NELL1: variants seen among roughly 807,000 people sequenced by gnomAD.
NELL1 encodes neural EGFL like 1, also known as protein kinase C-binding protein NELL1.
In NELL1, 76 loss-of-function variants were observed where a neutral mutation model predicts 107.4. The observed-to-expected ratio is 0.71, with a 90% CI of 0.59 to 0.86. The LOEUF is 0.86. Ranked by LOEUF, NELL1 falls within the 40% of genes least tolerant of loss-of-function variation. The pLI is 0.00. For missense variants in NELL1, 1,024 were observed against 1,005.5 expected, an observed-to-expected ratio of 1.02 and a Z score of -0.25; for synonymous variants, 353 against 341.2, an observed-to-expected ratio of 1.03 and a Z score of -0.38.
At chr11:21,157,321 C>T (rs1197991251) in intron 13 of NELL1, among the ~76,000 whole-genome samples, 1 of 152,018 alleles carries the variant, frequency 6.6e-6, no homozygotes, top group Non-Finnish European at 1.5e-5. Context: ...TCATTTTCTT[C>T]CTCACATAAA....
intron 15 of NELL1, among the ~76,000 whole-genome samples, chr11:21,408,825 A>G (rs936694647): frequency 2.0e-5 from 3 of 152,110 alleles, no homozygotes; most frequent in Non-Finnish European, 4.4e-5. Flanking sequence ...AAAACACATG[A>G]AAAAATGCTC....
chr11:21,286,615 T>TG (rs1849122637), intron 14 of NELL1, among the ~76,000 whole-genome samples: 2 of 152,240 alleles, frequency 1.3e-5, no homozygotes, highest in African/African-American at 4.8e-5. Flanking sequence ...TTGGCTTCTA[T>TG]TTAGCAATGG....
intron 2 of NELL1, among the ~76,000 whole-genome samples, chr11:20,714,152 A>C (rs1350902692): frequency 6.8e-6 from 1 of 147,862 alleles, no homozygotes; most frequent in African/African-American, 2.5e-5. Flanking sequence ...TGTCATTCGA[A>C]GTGGGAGCTA....
intron 14 of NELL1, among the ~76,000 whole-genome samples, chr11:21,303,070 CTCTATATCTATA>C (rs3993104): frequency 0.29 from 42,748 of 147,430 alleles, 6,572 homozygotes; most frequent in Admixed American, 0.37. Context: ...CTCTCTTTTG[CTCTATATCTATA>C]TCTATATCTA....
chr11:21,398,118 A>G (rs1354569752), intron 15 of NELL1, among the ~76,000 whole-genome samples: 4 of 151,668 alleles, frequency 2.6e-5, no homozygotes, highest in Admixed American at 2.0e-4. Context: ...TAACTTTGTT[A>G]ATGAATCATA....
In NELL1 at chr11:21,189,305, A is replaced by G. The variant is rs1226160871; in HGVS notation, c.1427-40027A>G. Among the ~76,000 whole-genome samples, 7 of 151,870 alleles carry G rather than the reference A, an allele frequency of 4.6e-5. No homozygotes were observed. The South Asian group carries it at 1.4e-3, about 31-fold the overall frequency. On this transcript the variant is annotated intron_variant, in intron 13 of 19. Coordinates refer to ENST00000357134, the MANE Select transcript of NELL1 (RefSeq NM_006157.5). ...ATGTGCATCTTTAATTTGCCTTGATATTGTCAAATTGCTTCTAAAGTTTGG... is the reference window on the plus strand; with the variant it reads ...ATGTGCATCTTTAATTTGCCTTGATGTTGTCAAATTGCTTCTAAAGTTTGG...
intron 12 of NELL1, among the ~76,000 whole-genome samples, chr11:21,058,113 T>C (rs1332180661): frequency 6.6e-6 from 1 of 152,106 alleles, no homozygotes; most frequent in Non-Finnish European, 1.5e-5. Flanking sequence ...GCTCTCATAA[T>C]ATATAACTGA....
At chr11:21,344,730 C>T (rs556408993) in intron 14 of NELL1, among the ~76,000 whole-genome samples, 9 of 152,110 alleles carry the variant, frequency 5.9e-5, no homozygotes, top group East Asian at 3.9e-4. Flanking sequence ...TGATAGCCAA[C>T]GCATCGGTTT....
chr11:21,207,899 A>G (rs889232261), intron 13 of NELL1, among the ~76,000 whole-genome samples: 1 of 152,118 alleles, frequency 6.6e-6, no homozygotes, highest in African/African-American at 2.4e-5. Context: ...TTCTTTTTTT[A>G]AAAATAAATT....
intron 5 of NELL1, among the ~76,000 whole-genome samples, chr11:20,912,873 T>G (rs961419247): frequency 6.6e-6 from 1 of 152,182 alleles, no homozygotes; most frequent in Non-Finnish European, 1.5e-5. Flanking sequence ...TAATTCTTAT[T>G]TTTCCTTTCA....
intron 13 of NELL1, among the ~76,000 whole-genome samples, chr11:21,151,645 G>A (rs1160582409): frequency 6.6e-6 from 1 of 152,062 alleles, no homozygotes; most frequent in East Asian, 1.9e-4. Context: ...AGATTAAATG[G>A]GATAATGCAT....
At chr11:21,057,939 A>T (rs1590594047) in intron 12 of NELL1, among the ~76,000 whole-genome samples, 2 of 152,242 alleles carry the variant, frequency 1.3e-5, no homozygotes, top group Admixed American at 1.3e-4. Flanking sequence ...TTTCTCCTAT[A>T]GGCAGAGTTT....
In NELL1 at chr11:21,039,410, T is replaced by C. The variant is rs193111149; in HGVS notation, c.1301-74179T>C. Among the ~76,000 whole-genome samples the C allele has an allele frequency of 5.2e-3, 790 of 152,274 alleles. 8 individuals are homozygous for C. The highest frequency in any genetic ancestry group is 0.018 in the African/African-American group (743 of 41,560). ...CATGTTGGCTAGGCTGGTCTTAAAC[T>C]CCTGACCTCAGGTGATCCACCTGCC... On this transcript the variant is annotated intron_variant, in intron 12 of 19. Coordinates refer to ENST00000357134, the MANE Select transcript of NELL1 (RefSeq NM_006157.5).
chr11:21,525,968 C>A (rs1243334551), intron 15 of NELL1, among the ~76,000 whole-genome samples: 2 of 152,180 alleles, frequency 1.3e-5, no homozygotes, highest in African/African-American at 4.8e-5. Flanking sequence ...CATTTCAAAA[C>A]CAATCATGCC....
At chr11:20,799,026 G>A (rs1857229564) in intron 3 of NELL1, among the ~76,000 whole-genome samples, 1 of 106,830 alleles carries the variant, frequency 9.4e-6, no homozygotes, top group Non-Finnish European at 2.3e-5. Context: ...AAATAAAACA[G>A]AGGGATGAGG....
At chr11:21,202,026 T>A (rs1857281347) in intron 13 of NELL1, among the ~76,000 whole-genome samples, 2 of 152,204 alleles carry the variant, frequency 1.3e-5, no homozygotes, top group African/African-American at 4.8e-5. Context: ...GGATTCGGTT[T>A]GCCAGTATTT....
At chr11:21,352,952 C>T (rs942133423) in intron 14 of NELL1, among the ~76,000 whole-genome samples, 9 of 152,126 alleles carry the variant, frequency 5.9e-5, no homozygotes, top group African/African-American at 2.2e-4. Flanking sequence ...GATCATAATA[C>T]ACTAATGAGA....
At chr11:21,443,429 T>A (rs750603379) in intron 15 of NELL1, among the ~76,000 whole-genome samples, 1 of 152,134 alleles carries the variant, frequency 6.6e-6, no homozygotes, top group Non-Finnish European at 1.5e-5. Context: ...GGCTAAGGCT[T>A]GAATGATTTT....
At chr11:21,097,519 C>G (rs1046500097) in intron 12 of NELL1, among the ~76,000 whole-genome samples, 1 of 151,478 alleles carries the variant, frequency 6.6e-6, no homozygotes, top group Admixed American at 6.6e-5. Flanking sequence ...ACATATTTTC[C>G]TAAATGTACT....
Sources: gnomAD v4.1 joint callset for allele counts (sites outside exome capture counted in the v4.1 genomes callset) on GRCh38, gnomAD v4.1.1 for gene constraint, MANE v1.5 for transcripts, NCBI Gene and HGNC (gene_info 2026-07-23, HGNC 2026-07-21) for gene names.